SPAG17: variants seen among roughly 807,000 people sequenced by gnomAD.
SPAG17 encodes sperm-associated antigen 17.
In SPAG17, 169 loss-of-function variants were observed where a neutral mutation model predicts 273.6. That is an observed-to-expected ratio of 0.62 (90% confidence interval 0.55 to 0.70). The LOEUF (loss-of-function observed/expected upper bound fraction) is 0.70. Among genes scored for constraint, SPAG17 ranks in the 30% least tolerant of loss-of-function variants. The pLI, the probability that SPAG17 is intolerant of heterozygous loss-of-function variation, is 0.00. For missense variants in SPAG17, 2,557 were observed against 2,627.8 expected (o/e 0.97, Z 0.59); for synonymous variants, 825 against 873.2 (o/e 0.94, Z 0.97).
chr1:118,089,356 G>GTGTGTGTGTGTGTGTGT lies in SPAG17; in HGVS notation c.1359+2249_1359+2250insACACACACACACACACA, dbSNP rs774101332. Among the ~76,000 whole-genome samples the GTGTGTGTGTGTGTGTGT allele has an allele frequency of 2.0e-3, 88 of 43,886 alleles. 1 individual carries two copies. The highest frequency in any genetic ancestry group is 1.5e-4 in the Non-Finnish European group (3 of 20,688). The allele number at this position is 43,886 out of a possible 152,430, so 28.8% of individuals were successfully genotyped here. A position where few individuals can be genotyped will look rare whatever the true frequency, so the allele number is the denominator to read the frequency against. On this transcript the variant is annotated intron_variant, in intron 10 of 48. Coordinates refer to ENST00000336338, the MANE Select transcript of SPAG17 (RefSeq NM_206996.4). Reference sequence around the variant, plus strand: ...ACGTGTGTGTGTGTGTGTGTGTGTGGTGGCAGGTAGGAGGTGAGATGACAG... The same window carrying GTGTGTGTGTGTGTGTGT: ...ACGTGTGTGTGTGTGTGTGTGTGTGGTGTGTGTGTGTGTGTGTTGGCAGGTAGGAGGTGAGATGACAG...
rs1321553892 is a variant in SPAG17, at chr1:118,016,034, T to C, written c.4218A>G (p.Lys1406=). 6.2e-7 allele frequency: 1 copy of C among 1,614,076 alleles called. No individual in the cohort carries two copies. The highest frequency in any genetic ancestry group is 1.1e-5 in the South Asian group (1 of 91,086). ...TTPEGNRIGT[K]GLERIADLTP... ...TCAAGTCTGCTATTCTTTCTAATCC[T>C]TTGGTGCCGATCCGATTTCCTTCAG... The change falls in exon 29 of 49, where the codon AAA becomes AAG. Residue 1406 remains lysine, a synonymous_variant. Transcript: ENST00000336338.
chr1:117,966,786 A>G, intron 46 of SPAG17, 33 bp from the exon 47 acceptor site: 1 of 1,555,576 alleles, frequency 6.4e-7, no homozygotes, highest in South Asian at 1.2e-5. Flanking sequence ...AGGACCAGAC[A>G]ACTCTGAGTT....
At chr1:117,983,767 G>A in intron 42 of SPAG17, 44 bp downstream of exon 42, 2 of 1,366,978 alleles carry the variant, frequency 1.5e-6, no homozygotes, top group Non-Finnish European at 2.1e-6. Flanking sequence ...GTATTATTCA[G>A]TTACGGACAT....
chr1:117,988,041 T>A (rs1290707420), intron 39 of SPAG17, 64 bp downstream of exon 39: 1 of 1,464,128 alleles, frequency 6.8e-7, no homozygotes, highest in Non-Finnish European at 9.3e-7. Flanking sequence ...AGCACCTGCA[T>A]ATTCCATTTC....
chr1:117,975,006 A>G (rs1654983697), intron 43 of SPAG17, among the ~76,000 whole-genome samples: 1 of 152,156 alleles, frequency 6.6e-6, no homozygotes, highest in Non-Finnish European at 1.5e-5. Flanking sequence ...AACCATGAGG[A>G]GCAAAGCCCA....
chr1:118,044,639 A>G (rs1168715299), intron 20 of SPAG17, among the ~76,000 whole-genome samples: 2 of 152,108 alleles, frequency 1.3e-5, no homozygotes, highest in Admixed American at 6.5e-5. Context: ...TCTCATGTGG[A>G]ACTGTAATCT....
chr1:118,110,655 G>T (rs575907205), intron 4 of SPAG17, among the ~76,000 whole-genome samples: 2 of 152,272 alleles, frequency 1.3e-5, no homozygotes, highest in East Asian at 3.9e-4. Flanking sequence ...CCTCCTTGGT[G>T]AGTTTTGTTC....
chr1:117,977,139 G>A lies in SPAG17; in HGVS notation c.6005-3578C>T, dbSNP rs538318491. On this transcript the variant is annotated intron_variant, in intron 43 of 48. Coordinates refer to ENST00000336338, the MANE Select transcript of SPAG17 (RefSeq NM_206996.4). ...AGACTGGCCAACATAGTGAAACCCC[G>A]TCTCTACTAAAAATACAAAAAAAAA... Among the ~76,000 whole-genome samples, 285 of 145,948 alleles carry A rather than the reference G, an allele frequency of 2.0e-3. 1 individual carries two copies. Among genetic ancestry groups the A allele is most frequent in the African/African-American group, 7.1e-3 (277 of 38,838 alleles).
In SPAG17 at chr1:118,055,766, C is replaced by A; in HGVS notation, c.2689G>T (p.Ala897Ser). The change falls in exon 19 of 49, where the codon GCT (alanine) becomes TCT (serine). Residue 897 changes from alanine to serine, a missense_variant. Ala to Ser is a moderately conservative substitution (Grantham distance 99). Transcript: ENST00000336338. ...TCTTTAATGGAAAAAATTTTGCTAGCAGAAGTAAGTTTGGCATTAGCAGAA... is the reference window on the plus strand; with the variant it reads ...TCTTTAATGGAAAAAATTTTGCTAGAAGAAGTAAGTTTGGCATTAGCAGAA... ...KSSANAKLTS[A>S]SKIFSIKESK... 6.2e-7 allele frequency: 1 copy of A among 1,612,282 alleles called. No homozygotes were observed. The highest frequency in any genetic ancestry group is 2.2e-5 in the East Asian group (1 of 44,756).
At chr1:118,121,720 A>C (rs1295592439) in intron 3 of SPAG17, among the ~76,000 whole-genome samples, 4 of 152,190 alleles carry the variant, frequency 2.6e-5, no homozygotes, top group Non-Finnish European at 5.9e-5. Context: ...ACTGGTGTAC[A>C]TGAGTGCATG....
At chr1:118,052,962 T>C (rs1313343165) in intron 20 of SPAG17, among the ~76,000 whole-genome samples, 1 of 151,974 alleles carries the variant, frequency 6.6e-6, no homozygotes, top group Admixed American at 6.6e-5. Flanking sequence ...GCAGTTAGGA[T>C]GGAGTAAAGG....
At chr1:118,163,188 A>T (rs574893421) in intron 1 of SPAG17, among the ~76,000 whole-genome samples, 1 of 152,202 alleles carries the variant, frequency 6.6e-6, no homozygotes, top group Non-Finnish European at 1.5e-5. Flanking sequence ...AAAAGTACTG[A>T]AAAAAAGTGT....
chr1:117,984,617 T>C, intron 41 of SPAG17, 66 bp downstream of exon 41: 1 of 994,666 alleles, frequency 1.0e-6, no homozygotes, highest in Non-Finnish European at 1.5e-6. Flanking sequence ...GATTACATAA[T>C]AACATATGCA....
At chr1:118,134,307 G>GT (rs901785514) in intron 3 of SPAG17, among the ~76,000 whole-genome samples, 3 of 152,088 alleles carry the variant, frequency 2.0e-5, no homozygotes, top group African/African-American at 7.2e-5. Flanking sequence ...TAACATCACA[G>GT]TATGTGGAAA....
chr1:118,109,152 T>A (rs999307392), intron 4 of SPAG17, among the ~76,000 whole-genome samples: 1 of 151,800 alleles, frequency 6.6e-6, no homozygotes, highest in Non-Finnish European at 1.5e-5. Flanking sequence ...CTTATTCTTT[T>A]TTTTTTTTGA....
At chr1:118,160,273 T>C (rs867130280) in intron 1 of SPAG17, among the ~76,000 whole-genome samples, 21 of 152,236 alleles carry the variant, frequency 1.4e-4, no homozygotes, top group African/African-American at 4.6e-4. Flanking sequence ...ATCTTCCACA[T>C]TAAAAAATAA....
chr1:118,086,143 G>A, intron 12 of SPAG17, 71 bp from the exon 13 acceptor site: 3 of 1,383,648 alleles, frequency 2.2e-6, no homozygotes, highest in Non-Finnish European at 3.0e-6. Flanking sequence ...TATGGAGAAG[G>A]CTAAACATGA....
chr1:118,016,223 A>G (rs1248268978), intron 28 of SPAG17, 41 bp from the exon 29 acceptor site: 5 of 1,465,282 alleles, frequency 3.4e-6, no homozygotes, highest in East Asian at 4.5e-5. Context: ...CAATATAACT[A>G]TAGTATCAAT....
chr1:118,108,878 A>G (rs1370195503), intron 4 of SPAG17, among the ~76,000 whole-genome samples: 2 of 152,190 alleles, frequency 1.3e-5, no homozygotes, highest in African/African-American at 4.8e-5. Flanking sequence ...TCAGTTGAAT[A>G]TAAAGTGACA....
Sources: allele counts gnomAD v4.1 joint callset (sites outside exome capture counted in the v4.1 genomes callset), GRCh38; gene constraint gnomAD v4.1.1; transcripts MANE v1.5; gene names NCBI Gene and HGNC (gene_info 2026-07-23, HGNC 2026-07-21).